Variants in EYA2 observed in about 807,000 individuals in gnomAD.
EYA2 encodes the protein protein phosphatase EYA2.
EYA2 carries 31 observed loss-of-function variants against 69.2 expected under a neutral mutation model. The ratio of observed to expected loss-of-function variants is 0.45; its 90% CI spans 0.34 to 0.60. EYA2 has a LOEUF of 0.60. Ranked by LOEUF, EYA2 falls within the 20% of genes least tolerant of loss-of-function variation. The pLI is 0.02. For missense variants in EYA2, 622 were observed against 701.2 expected (o/e 0.89, Z 1.28); for synonymous variants, 257 against 279.4 (o/e 0.92, Z 0.80).
chr20:47,012,302 G>A (rs1983118331), intron 4 of EYA2, among the ~76,000 whole-genome samples: 2 of 152,198 alleles, frequency 1.3e-5, no homozygotes, highest in African/African-American at 2.4e-5. Context: ...CTGCGGAGTA[G>A]CAGGTCTGAT....
chr20:47,073,351 C>A (rs937347482), intron 6 of EYA2, among the ~76,000 whole-genome samples: 2 of 152,134 alleles, frequency 1.3e-5, no homozygotes, highest in African/African-American at 4.8e-5. Flanking sequence ...ATGACTCCCT[C>A]ATAGAATATT....
At chr20:47,170,622 G>A (rs1169964984) in intron 11 of EYA2, among the ~76,000 whole-genome samples, 2 of 151,720 alleles carry the variant, frequency 1.3e-5, no homozygotes, top group African/African-American at 2.4e-5. Flanking sequence ...ACTCCAGCCT[G>A]GGGTACAGAG....
intron 3 of EYA2, among the ~76,000 whole-genome samples, chr20:47,003,136 G>A (rs1431610406): frequency 6.6e-6 from 1 of 152,216 alleles, no homozygotes. Flanking sequence ...GTCTGGGGGA[G>A]GGTGGCATAG....
chr20:47,068,521 T>TTTGTTG (rs140140822), intron 5 of EYA2, among the ~76,000 whole-genome samples: 1 of 151,946 alleles, frequency 6.6e-6, no homozygotes, highest in Non-Finnish European at 1.5e-5. Context: ...CCCAGAAAGG[T>TTTGTTG]TTGTTGTTGT....
Position 47,176,327 on chromosome 20 carries a change from G to A in EYA2, c.1198+3460G>A, listed in dbSNP as rs145438616. 6.6e-3 allele frequency among the ~76,000 whole-genome samples: 998 copies of A among 152,120 alleles called. 33 individuals carry two copies. The East Asian group carries it at 0.08, about 12-fold the overall frequency. The stretch of plus-strand genomic sequence containing the variant: ...ACTCCTGAGCTCAGGTGATCCACCC[G>A]TCTCAGCCTCCCAAAGTACTGGGAT... On this transcript the variant is annotated intron_variant, in intron 12 of 15. Transcript: ENST00000327619.
intron 1 of EYA2, among the ~76,000 whole-genome samples, chr20:46,902,464 G>A (rs541677279): frequency 1.3e-5 from 2 of 152,336 alleles, no homozygotes; most frequent in East Asian, 3.9e-4. Flanking sequence ...TGGAAACTGA[G>A]TCTGGAGAGT....
intron 5 of EYA2, among the ~76,000 whole-genome samples, chr20:47,049,859 G>GGCCC (rs1600669668): frequency 7.7e-6 from 1 of 129,416 alleles, no homozygotes; most frequent in African/African-American, 2.9e-5. Context: ...ATCTGTGACA[G>GGCCC]ACCCCCCCCC....
chr20:47,164,383 C>T (rs2034137662), intron 10 of EYA2, among the ~76,000 whole-genome samples: 1 of 152,226 alleles, frequency 6.6e-6, no homozygotes, highest in Admixed American at 6.5e-5. Flanking sequence ...AATGCCTTTC[C>T]TCTGACATCA....
intron 7 of EYA2, among the ~76,000 whole-genome samples, chr20:47,079,751 T>C (rs1028937756): frequency 6.6e-5 from 10 of 152,274 alleles, no homozygotes; most frequent in Admixed American, 1.3e-4. Context: ...AAGTTAGATA[T>C]ATTTGTGCTA....
chr20:46,941,636 C>T (rs1443469827), intron 1 of EYA2, among the ~76,000 whole-genome samples: 1 of 152,196 alleles, frequency 6.6e-6, no homozygotes, highest in Non-Finnish European at 1.5e-5. Context: ...CCTCAGTTTC[C>T]TCACATGTAT....
intron 9 of EYA2, among the ~76,000 whole-genome samples, chr20:47,115,656 C>G (rs948009086): frequency 1.3e-5 from 2 of 152,170 alleles, no homozygotes; most frequent in African/African-American, 4.8e-5. Flanking sequence ...CTCCACGGGT[C>G]TGGACAGCTG....
At chr20:47,053,511 C>CA (rs2030445566) in intron 5 of EYA2, among the ~76,000 whole-genome samples, 1 of 151,638 alleles carries the variant, frequency 6.6e-6, no homozygotes, top group African/African-American at 2.4e-5. Flanking sequence ...ACTAGAAATA[C>CA]AAAAAATTAG....
chr20:47,059,958 C>G (rs1264266125), intron 5 of EYA2, among the ~76,000 whole-genome samples: 1 of 152,146 alleles, frequency 6.6e-6, no homozygotes, highest in African/African-American at 2.4e-5. Context: ...CCCACAGCCC[C>G]CTCTACACTA....
At chr20:46,940,092 T>C (rs1419388872) in intron 1 of EYA2, among the ~76,000 whole-genome samples, 1 of 152,180 alleles carries the variant, frequency 6.6e-6, no homozygotes, top group East Asian at 1.9e-4. Context: ...CCTGAGGATG[T>C]CAGAAATCTT....
At chr20:47,047,272 C>T (rs1189432503) in intron 5 of EYA2, among the ~76,000 whole-genome samples, 1 of 152,114 alleles carries the variant, frequency 6.6e-6, no homozygotes, top group Non-Finnish European at 1.5e-5. Flanking sequence ...ATCTGAGACT[C>T]CTAGGCGAGG....
chr20:47,026,519 AAAAAG>A (rs1246834405), intron 5 of EYA2, among the ~76,000 whole-genome samples: 3 of 152,224 alleles, frequency 2.0e-5, no homozygotes, highest in Non-Finnish European at 4.4e-5. Flanking sequence ...ACAAACAAAA[AAAAAG>A]AAAACAAAAT....
At chr20:47,004,451 T>G (rs1982568262) in intron 3 of EYA2, among the ~76,000 whole-genome samples, 1 of 150,406 alleles carries the variant, frequency 6.6e-6, no homozygotes, top group Non-Finnish European at 1.5e-5. Context: ...TCAGTAAACC[T>G]CGACATCTCA....
chr20:47,161,627 G>C (rs1278831303), intron 10 of EYA2: 6 of 216,558 alleles, frequency 2.8e-5, no homozygotes, highest in Non-Finnish European at 4.6e-5. Flanking sequence ...CCCAGCCCCC[G>C]ATGCCCCTGC....
At chr20:47,179,705 C>G in intron 12 of EYA2, 93 bp from the exon 13 acceptor site, 1 of 829,306 alleles carries the variant, frequency 1.2e-6, no homozygotes, top group Non-Finnish European at 1.9e-6. Context: ...TGATTTTAAC[C>G]CTCAGGGTAC....
Sources: allele counts gnomAD v4.1 joint callset (sites outside exome capture counted in the v4.1 genomes callset), GRCh38; gene constraint gnomAD v4.1.1; transcripts MANE v1.5; gene names NCBI Gene and HGNC (gene_info 2026-07-23, HGNC 2026-07-21).